The following RBM27 variants were observed in gnomAD, a reference collection of about 807,000 sequenced individuals.
The protein encoded by RBM27 is RNA binding motif protein 27.
RBM27 carries 22 observed loss-of-function variants against 135.3 expected under a neutral mutation model. That is an observed-to-expected ratio of 0.16 (90% CI 0.12 to 0.23). RBM27 has a LOEUF of 0.23. Among genes scored for constraint, RBM27 ranks in the 10% least tolerant of loss-of-function variants. The probability of loss-of-function intolerance (pLI) is 1.00; values close to 1 mark genes in which losing one functional copy is unlikely to be tolerated. For missense variants in RBM27, 1,009 were observed against 1,281.0 expected (o/e 0.79, Z 3.24); for synonymous variants, 481 against 442.4 (o/e 1.09, Z -1.10).
chr5:146,205,761 C>T (rs1268186843), intron 1 of RBM27, among the ~76,000 whole-genome samples: 1 of 152,062 alleles, frequency 6.6e-6, no homozygotes, highest in East Asian at 1.9e-4. Context: ...TGGTTCACGC[C>T]TGTAATCCCG....
chr5:146,243,709 A>G (rs1757503747), intron 8 of RBM27, among the ~76,000 whole-genome samples: 1 of 152,246 alleles, frequency 6.6e-6, no homozygotes, highest in African/African-American at 2.4e-5. Context: ...AAAGTTTAAC[A>G]AGTTGGGAAA....
At chr5:146,262,399 G>A (rs1669847892) in intron 13 of RBM27, among the ~76,000 whole-genome samples, 1 of 152,020 alleles carries the variant, frequency 6.6e-6, no homozygotes, top group Non-Finnish European at 1.5e-5. Flanking sequence ...AAGAGAATTG[G>A]AATTTTGCCT....
At chr5:146,258,070 C>T (rs1312651663) in intron 10 of RBM27, among the ~76,000 whole-genome samples, 4 of 152,072 alleles carry the variant, frequency 2.6e-5, no homozygotes, top group East Asian at 3.9e-4. Context: ...CCGCCCGCCT[C>T]GGCCTCCCAA....
chr5:146,238,163 G>T (rs1027739012), intron 8 of RBM27, among the ~76,000 whole-genome samples: 4 of 152,282 alleles, frequency 2.6e-5, no homozygotes, highest in African/African-American at 7.2e-5. Context: ...CATTTAAATT[G>T]TAATTTTCTG....
chr5:146,276,759 A>T (rs1205138626), intron 19 of RBM27, among the ~76,000 whole-genome samples: 1 of 152,202 alleles, frequency 6.6e-6, no homozygotes, highest in Non-Finnish European at 1.5e-5. Flanking sequence ...AGACCTTGTT[A>T]AAAAAGTAAT....
chr5:146,265,573 TAGA>T (rs1758578035), intron 14 of RBM27, among the ~76,000 whole-genome samples: 1 of 152,086 alleles, frequency 6.6e-6, no homozygotes, highest in Admixed American at 6.5e-5. Flanking sequence ...TTAAATGAAA[TAGA>T]AGTAATCCCT....
intron 1 of RBM27, among the ~76,000 whole-genome samples, chr5:146,216,315 C>T (rs986332243): frequency 2.6e-5 from 4 of 152,182 alleles, no homozygotes; most frequent in African/African-American, 9.7e-5. Context: ...TGAGCCACCA[C>T]ACCCAACCAT....
rs751275444 is a variant in RBM27, at chr5:146,271,637, T to C, written c.2951T>C (p.Ile984Thr). 1.2e-6 allele frequency: 2 copies of C among 1,613,438 alleles called. No individual in the cohort carries two copies. Among genetic ancestry groups the C allele is most frequent in the Admixed American group, 1.7e-5 (1 of 59,842 alleles). Residue 984 changes from isoleucine to threonine, a missense_variant, in exon 19 of 21, where the codon ATT becomes ACT. Physicochemically the swap from Ile to Thr is moderately conservative, Grantham distance 89 (BLOSUM62 -1). Coordinates refer to ENST00000265271, the MANE Select transcript of RBM27 (RefSeq NM_018989.2). ...AAAGCACTAACAGTTGGAGGATTCA[T>C]TGAGGAAGAAAAAGAAGACTTGCTT... ...RPKALTVGGFIEEEKEDLLQH... is the reference protein window; with the variant it reads ...RPKALTVGGFTEEEKEDLLQH...
rs781001938 is a variant in RBM27, at chr5:146,271,696, T to C, written c.2988+22T>C. 4 of 1,581,318 alleles carry C rather than the reference T, an allele frequency of 2.5e-6. No homozygotes were observed. The Admixed American group carries it at 5.0e-5, about 20-fold the overall frequency. ...CTCAGTAAGTTTTTAAAATAGCAAA[T>C]GCTAACTGTAAAAACACTGTGCTCA... On this transcript the variant is annotated intron_variant, in intron 19 of 20. Transcript: ENST00000265271.
chr5:146,242,962 G>A (rs889685972), intron 8 of RBM27, among the ~76,000 whole-genome samples: 1 of 151,980 alleles, frequency 6.6e-6, no homozygotes, highest in African/African-American at 2.4e-5. Context: ...TTTCTATTCA[G>A]TTGATTTTAA....
intron 7 of RBM27, among the ~76,000 whole-genome samples, chr5:146,234,519 TA>T (rs5871959): frequency 6.7e-6 from 1 of 148,976 alleles, no homozygotes; most frequent in African/African-American, 2.4e-5. Flanking sequence ...TTTTGTTATT[TA>T]AAAAAAAAAA....
rs996652578 is a variant in RBM27 at position 146,217,932 on chromosome 5, A to G, written c.60-1053A>G. 6.6e-5 allele frequency among the ~76,000 whole-genome samples: 10 copies of G among 151,026 alleles called. No individual in the cohort carries two copies. In the South Asian group the frequency reaches 2.1e-3, roughly 32 times the overall value. ...ACCACCACACCTGGCTAATTTTTGT[A>G]TTTTCTATAGCAACAGAGTTTTGCC... On this transcript the variant is annotated intron_variant, in intron 1 of 20. Coordinates refer to ENST00000265271, the MANE Select transcript of RBM27 (RefSeq NM_018989.2).
At chr5:146,239,627 A>G (rs755429326) in intron 8 of RBM27, among the ~76,000 whole-genome samples, 1 of 151,184 alleles carries the variant, frequency 6.6e-6, no homozygotes, top group Non-Finnish European at 1.5e-5. Context: ...ACAGGCATGT[A>G]TCACTATACC....
At chr5:146,245,124 A>G (rs1014940881) in intron 8 of RBM27, 2 of 151,128 alleles carry the variant, frequency 1.3e-5, no homozygotes, top group African/African-American at 2.4e-5. Flanking sequence ...ACCTTGGCCT[A>G]CCAGAATGCT....
intron 15 of RBM27, 29 bp downstream of exon 15, chr5:146,267,797 A>G: frequency 1.3e-6 from 2 of 1,591,920 alleles, no homozygotes; most frequent in Non-Finnish European, 1.7e-6. Context: ...CTTGCCTTAC[A>G]GAAGAAAAGA....
At position 146,280,176 on chromosome 5, in the gene RBM27, G is replaced by A. The variant is rs568563566; in HGVS notation, c.2989-4446G>A. ...CAGGTTCAGGGATTCTCCTTTCTTC[G>A]CCTCCTGAGTAGCTGGGATTATAGG... On this transcript the variant is annotated intron_variant, in intron 19 of 20. Transcript: ENST00000265271. Among the ~76,000 whole-genome samples, 12 of 151,316 alleles carry A rather than the reference G, an allele frequency of 7.9e-5. No homozygotes were observed. In the East Asian group the frequency reaches 1.8e-3, roughly 22 times the overall value.
At chr5:146,206,083 C>T (rs577922652) in intron 1 of RBM27, among the ~76,000 whole-genome samples, 5 of 152,230 alleles carry the variant, frequency 3.3e-5, no homozygotes, top group Non-Finnish European at 5.9e-5. Flanking sequence ...AAAAATACAT[C>T]TCTTTATTTT....
At position 146,247,548 on chromosome 5, in the gene RBM27, G is replaced by A. The variant is rs190648487; in HGVS notation, c.1280-4163G>A. On this transcript the variant is annotated intron_variant, in intron 8 of 20. Transcript: ENST00000265271. ...TACTTCTTTTTTTTTCTCCCTTGGC[G>A]TTTATTTGTTGAAGAAATAGATCAT... Among the ~76,000 whole-genome samples, 307 of 151,440 alleles carry A rather than the reference G, an allele frequency of 2.0e-3. 3 individuals are homozygous for A. The highest frequency in any genetic ancestry group is 7.0e-3 in the African/African-American group (289 of 41,246).
Position 146,208,375 on chromosome 5 carries a change from A to G in RBM27, c.59+4551A>G, listed in dbSNP as rs540740665. 2.3e-4 allele frequency among the ~76,000 whole-genome samples: 35 copies of G among 152,344 alleles called. 1 individual carries two copies. In the South Asian group the frequency reaches 7.2e-3, roughly 32 times the overall value. Reference sequence around the variant, plus strand: ...TCCATTCCCTTTGTAGGTGGCGAACATGTCTATTACTTTTATTAGAGGAAG... The same window carrying G: ...TCCATTCCCTTTGTAGGTGGCGAACGTGTCTATTACTTTTATTAGAGGAAG... On this transcript the variant is annotated intron_variant, in intron 1 of 20. Transcript: ENST00000265271.
Sources: allele counts gnomAD v4.1 joint callset (sites outside exome capture counted in the v4.1 genomes callset), GRCh38; gene constraint gnomAD v4.1.1; transcripts MANE v1.5; gene names NCBI Gene and HGNC (gene_info 2026-07-23, HGNC 2026-07-21).